Variants in SLC35F1 observed in about 807,000 individuals in gnomAD.
The protein encoded by SLC35F1 is chromosome 6 open reading frame 169.
SLC35F1 carries 14 observed loss-of-function variants against 48.7 expected under a neutral mutation model. That is an observed-to-expected ratio of 0.29 (90% CI 0.19 to 0.45). SLC35F1 has a LOEUF of 0.45. Among genes scored for constraint, SLC35F1 ranks in the 20% least tolerant of loss-of-function variants. The pLI, the probability that SLC35F1 is intolerant of heterozygous loss-of-function variation, is 1.00. For synonymous variants in SLC35F1, 190 were observed against 202.2 expected (o/e 0.94, Z 0.51); for missense variants, 404 against 500.0 (o/e 0.81, Z 1.83).
intron 1 of SLC35F1, among the ~76,000 whole-genome samples, chr6:118,139,895 G>A (rs764485703): frequency 7.2e-5 from 11 of 152,266 alleles, no homozygotes; most frequent in Non-Finnish European, 1.2e-4. Flanking sequence ...GTGGTGGGGA[G>A]GAGGTAGGGA....
intron 4 of SLC35F1, 82 bp from the exon 5 acceptor site, chr6:118,275,377 A>G: frequency 7.0e-7 from 1 of 1,422,938 alleles, no homozygotes. Flanking sequence ...TAGGCAAGGG[A>G]AGCTCAATTT....
At chr6:118,221,780 C>T (rs577306543) in intron 2 of SLC35F1, among the ~76,000 whole-genome samples, 10 of 152,272 alleles carry the variant, frequency 6.6e-5, no homozygotes, top group African/African-American at 2.4e-4. Context: ...TTTCTCCCTT[C>T]CTGTATTGTT....
intron 1 of SLC35F1, among the ~76,000 whole-genome samples, chr6:118,002,935 C>T (rs1043589549): frequency 2.0e-5 from 3 of 152,152 alleles, no homozygotes; most frequent in African/African-American, 7.2e-5. Flanking sequence ...TGTGCATTCT[C>T]AAGGGTTACT....
intron 1 of SLC35F1, among the ~76,000 whole-genome samples, chr6:118,064,426 G>A (rs1649939726): frequency 6.6e-6 from 1 of 152,144 alleles, no homozygotes; most frequent in Admixed American, 6.6e-5. Context: ...GTAGATTTTA[G>A]GTTCCAAACC....
At chr6:117,998,596 C>A (rs1407082534) in intron 1 of SLC35F1, among the ~76,000 whole-genome samples, 5 of 149,010 alleles carry the variant, frequency 3.4e-5, no homozygotes, top group Admixed American at 6.7e-5. Context: ...CAGTGCAATC[C>A]AACTAGAACT....
rs529394070 is a variant in SLC35F1 at position 118,156,232 on chromosome 6, C to CA, written c.349+1623dup. Among the ~76,000 whole-genome samples the CA allele has an allele frequency of 1.6e-3, 224 of 139,104 alleles. 3 individuals are homozygous for CA. In the South Asian group the frequency reaches 0.033, roughly 20 times the overall value. 91.3% of individuals were successfully genotyped at this position (139,104 alleles called of 152,430 possible). A position where few individuals can be genotyped will look rare whatever the true frequency, so the allele number is the denominator to read the frequency against. ...TGATGTAAATGTGTTATCTAAGTGT[C>CA]AAAAAAAAAAAGCATGAAACTGCGT... On this transcript the variant is annotated intron_variant, in intron 2 of 7. Coordinates refer to ENST00000360388, the MANE Select transcript of SLC35F1 (RefSeq NM_001029858.4).
At chr6:117,931,822 A>C (rs989089502) in intron 1 of SLC35F1, among the ~76,000 whole-genome samples, 4 of 152,182 alleles carry the variant, frequency 2.6e-5, no homozygotes, top group Non-Finnish European at 5.9e-5. Context: ...AATTATTGCT[A>C]GTGGTTTTTG....
At chr6:117,989,508 T>C (rs1297804604) in intron 1 of SLC35F1, among the ~76,000 whole-genome samples, 1 of 152,322 alleles carries the variant, frequency 6.6e-6, no homozygotes, top group South Asian at 2.1e-4. Context: ...CAGCTTTATC[T>C]CAAACATTTA....
chr6:117,964,124 T>G (rs973739348), intron 1 of SLC35F1, among the ~76,000 whole-genome samples: 2 of 152,228 alleles, frequency 1.3e-5, no homozygotes, highest in African/African-American at 2.4e-5. Context: ...GGCTTCCAGC[T>G]CCATCCACGT....
At position 117,933,412 on chromosome 6, in the gene SLC35F1, A is replaced by G. The variant is rs140543640; in HGVS notation, c.173+25513A>G. 3.1e-3 allele frequency among the ~76,000 whole-genome samples: 472 copies of G among 152,304 alleles called. 2 individuals carry two copies. The highest frequency in any genetic ancestry group is 0.011 in the African/African-American group (443 of 41,562). On this transcript the variant is annotated intron_variant, in intron 1 of 7. Coordinates refer to ENST00000360388, the MANE Select transcript of SLC35F1 (RefSeq NM_001029858.4). ...CATTTTCTTTTAAGCATTTTTATAA[A>G]GAGGGTATACCACACTCACAATATT...
intron 2 of SLC35F1, among the ~76,000 whole-genome samples, chr6:118,204,891 G>T (rs935319819): frequency 1.3e-5 from 2 of 152,122 alleles, no homozygotes; most frequent in African/African-American, 4.8e-5. Flanking sequence ...AAGCATTAAA[G>T]CTCCTTGCGT....
chr6:118,166,814 A>G (rs995363813), intron 2 of SLC35F1, among the ~76,000 whole-genome samples: 3 of 152,314 alleles, frequency 2.0e-5, no homozygotes, highest in East Asian at 1.9e-4. Flanking sequence ...ACGTGTTCCT[A>G]TACTGAGAGT....
chr6:118,188,971 G>T (rs1774696863), intron 2 of SLC35F1, among the ~76,000 whole-genome samples: 1 of 152,142 alleles, frequency 6.6e-6, no homozygotes, highest in Non-Finnish European at 1.5e-5. Flanking sequence ...GAGTGCAGTG[G>T]TGCAGTCATG....
intron 1 of SLC35F1, among the ~76,000 whole-genome samples, chr6:118,092,627 T>C (rs1164978586): frequency 6.6e-6 from 1 of 152,146 alleles, no homozygotes; most frequent in Non-Finnish European, 1.5e-5. Context: ...AAAGTAGCAT[T>C]TCATGGGCTG....
intron 1 of SLC35F1, among the ~76,000 whole-genome samples, chr6:117,932,248 A>G (rs1048687974): frequency 2.0e-5 from 3 of 152,232 alleles, no homozygotes; most frequent in African/African-American, 7.2e-5. Context: ...ACTGTGAGAA[A>G]TACATTTCTA....
chr6:118,257,160 GTCTC>G (rs60219062), intron 3 of SLC35F1, among the ~76,000 whole-genome samples: 1,922 of 148,500 alleles, frequency 0.013, 42 homozygotes, highest in African/African-American at 0.045. Flanking sequence ...GGAAAAAACT[GTCTC>G]TCTCTCTCTC....
chr6:118,040,405 C>A (rs9372495), intron 1 of SLC35F1, among the ~76,000 whole-genome samples: 2 of 151,732 alleles, frequency 1.3e-5, no homozygotes, highest in Non-Finnish European at 2.9e-5. Context: ...GCATAATCAG[C>A]GAAAAGGGAT....
intron 1 of SLC35F1, among the ~76,000 whole-genome samples, chr6:117,993,676 C>T (rs1478566759): frequency 1.3e-5 from 2 of 152,096 alleles, no homozygotes; most frequent in African/African-American, 4.8e-5. Context: ...CTGAAGAAAA[C>T]TCTAGAAATC....
intron 1 of SLC35F1, among the ~76,000 whole-genome samples, chr6:117,917,279 G>A (rs1582559985): frequency 2.6e-5 from 4 of 152,242 alleles, no homozygotes. Flanking sequence ...AAGTGAGGAG[G>A]TCAGAGAGGG....
Sources: gnomAD v4.1 joint callset for allele counts (sites outside exome capture counted in the v4.1 genomes callset) on GRCh38, gnomAD v4.1.1 for gene constraint, MANE v1.5 for transcripts, NCBI Gene and HGNC (gene_info 2026-07-23, HGNC 2026-07-21) for gene names.